The following CHRM3 variants were observed in gnomAD, a reference collection of about 807,000 sequenced individuals.
CHRM3 encodes the protein muscarinic acetylcholine receptor M3.
Under a neutral mutation model 41.8 loss-of-function variants are expected in CHRM3, and 11 were observed. The ratio of observed to expected loss-of-function variants is 0.26; its 90% confidence interval spans 0.17 to 0.44. The LOEUF (loss-of-function observed/expected upper bound fraction) is 0.44. Ranked by LOEUF, CHRM3 falls within the 20% of genes least tolerant of loss-of-function variation. The probability of loss-of-function intolerance (pLI) is 1.00; values close to 1 mark genes in which losing one functional copy is unlikely to be tolerated. For missense variants in CHRM3, 571 were observed against 745.4 expected, an observed-to-expected ratio of 0.77 and a Z score of 2.72; for synonymous variants, 297 against 301.4, an observed-to-expected ratio of 0.99 and a Z score of 0.15.
chr1:239,451,815 A>T (rs1274099244), intron 1 of CHRM3, among the ~76,000 whole-genome samples: 1 of 152,182 alleles, frequency 6.6e-6, no homozygotes, highest in African/African-American at 2.4e-5. Context: ...TATACATAAA[A>T]GATGTGATCT....
intron 5 of CHRM3, among the ~76,000 whole-genome samples, chr1:239,717,361 A>G (rs1424931979): frequency 2.6e-5 from 4 of 152,060 alleles, no homozygotes; most frequent in Non-Finnish European, 5.9e-5. Flanking sequence ...TTTCACAGAG[A>G]GTAGTGGGGA....
intron 4 of CHRM3, among the ~76,000 whole-genome samples, chr1:239,669,173 G>T (rs558219238): frequency 3.9e-4 from 60 of 152,190 alleles, no homozygotes; most frequent in Non-Finnish European, 3.4e-4. Context: ...TGGAGCCAGC[G>T]TTCCCCGAAG....
At chr1:239,766,181 TG>T (rs1230292260) in intron 5 of CHRM3, among the ~76,000 whole-genome samples, 2 of 152,090 alleles carry the variant, frequency 1.3e-5, no homozygotes, top group African/African-American at 4.8e-5. Flanking sequence ...AGAAATGGCA[TG>T]TCTAAATAAC....
intron 5 of CHRM3, among the ~76,000 whole-genome samples, chr1:239,812,133 G>A (rs943984102): frequency 5.9e-5 from 9 of 152,056 alleles, no homozygotes; most frequent in Admixed American, 6.6e-5. Flanking sequence ...TCCTCCTCCC[G>A]GGCTCAAGTG....
chr1:239,622,877 G>C (rs776873900), intron 3 of CHRM3, among the ~76,000 whole-genome samples: 4 of 152,248 alleles, frequency 2.6e-5, no homozygotes, highest in Admixed American at 6.5e-5. Context: ...CATGCAACTT[G>C]AGGATGTGAT....
At chr1:239,689,099 A>G (rs940083026) in intron 5 of CHRM3, among the ~76,000 whole-genome samples, 3 of 151,750 alleles carry the variant, frequency 2.0e-5, no homozygotes, top group Admixed American at 6.6e-5. Flanking sequence ...TAATTAAAGT[A>G]TACTACCTTC....
intron 1 of CHRM3, among the ~76,000 whole-genome samples, chr1:239,403,594 A>C (rs572364443): frequency 7.7e-4 from 117 of 152,106 alleles, no homozygotes; most frequent in African/African-American, 2.7e-3. Flanking sequence ...AGTCTTTTGG[A>C]TCTCCTGGAA....
intron 1 of CHRM3, among the ~76,000 whole-genome samples, chr1:239,449,502 C>G (rs1664406987): frequency 6.6e-6 from 1 of 152,076 alleles, no homozygotes. Flanking sequence ...AGGGTGGGTA[C>G]TATTTAGAAA....
chr1:239,711,074 C>G (rs1283693765), intron 5 of CHRM3, among the ~76,000 whole-genome samples: 2 of 152,156 alleles, frequency 1.3e-5, no homozygotes, highest in African/African-American at 4.8e-5. Flanking sequence ...TAAGTGAGGC[C>G]TTCCTCTGGG....
At chr1:239,631,301 A>C (rs1669801522) in intron 3 of CHRM3, among the ~76,000 whole-genome samples, 1 of 152,170 alleles carries the variant, frequency 6.6e-6, no homozygotes, top group Admixed American at 6.5e-5. Context: ...CAGAGGTTTC[A>C]CTAGGCTCCT....
chr1:239,894,023 G>A (rs529157183), intron 6 of CHRM3, among the ~76,000 whole-genome samples: 1 of 152,186 alleles, frequency 6.6e-6, no homozygotes, highest in South Asian at 2.1e-4. Context: ...CTCTCATCTT[G>A]TTGAGAGGAA....
At chr1:239,428,490 A>G (rs558560704) in intron 1 of CHRM3, among the ~76,000 whole-genome samples, 73 of 152,362 alleles carry the variant, frequency 4.8e-4, no homozygotes, top group Non-Finnish European at 6.8e-4. Flanking sequence ...GAACAACCCT[A>G]TGGAGTATGA....
chr1:239,824,955 C>G (rs934030175), intron 5 of CHRM3, among the ~76,000 whole-genome samples: 3 of 152,158 alleles, frequency 2.0e-5, no homozygotes, highest in Non-Finnish European at 4.4e-5. Context: ...AACTTTAGCC[C>G]ATCTTCATCA....
At chr1:239,500,262 A>G (rs1027341203) in intron 2 of CHRM3, among the ~76,000 whole-genome samples, 7 of 152,210 alleles carry the variant, frequency 4.6e-5, no homozygotes, top group Admixed American at 4.6e-4. Context: ...TGTGGCACAT[A>G]TACACCATGG....
intron 1 of CHRM3, among the ~76,000 whole-genome samples, chr1:239,456,657 G>A (rs1664961253): frequency 6.6e-6 from 1 of 152,174 alleles, no homozygotes; most frequent in South Asian, 2.1e-4. Flanking sequence ...TAGTGTACAT[G>A]AATGGCCCAA....
intron 1 of CHRM3, among the ~76,000 whole-genome samples, chr1:239,419,530 A>G (rs1661769672): frequency 6.6e-6 from 1 of 152,180 alleles, no homozygotes; most frequent in Non-Finnish European, 1.5e-5. Context: ...GATGTCAGGA[A>G]GTCACAAGGG....
At chr1:239,898,790 C>G (rs1183107090) in intron 6 of CHRM3, among the ~76,000 whole-genome samples, 1 of 152,082 alleles carries the variant, frequency 6.6e-6, no homozygotes, top group Non-Finnish European at 1.5e-5. Context: ...TTGGCCTTGT[C>G]CGTTTCTGTA....
chr1:239,413,641 A>G (rs1661280444), intron 1 of CHRM3, among the ~76,000 whole-genome samples: 1 of 152,200 alleles, frequency 6.6e-6, no homozygotes, highest in Non-Finnish European at 1.5e-5. Context: ...TATTTTGGAC[A>G]AAACTATGGG....
At chr1:239,803,617 C>T (rs1670383014) in intron 5 of CHRM3, among the ~76,000 whole-genome samples, 2 of 152,090 alleles carry the variant, frequency 1.3e-5, no homozygotes, top group Admixed American at 6.5e-5. Context: ...CACTGATGTT[C>T]GAAGATCTGA....
Sources: allele counts gnomAD v4.1 joint callset (sites outside exome capture counted in the v4.1 genomes callset), GRCh38; gene constraint gnomAD v4.1.1; transcripts MANE v1.5; gene names NCBI Gene and HGNC (gene_info 2026-07-23, HGNC 2026-07-21).